The following NALCN variants were observed in gnomAD, a reference collection of about 807,000 sequenced individuals.
NALCN encodes the protein sodium leak channel, non-selective.
In NALCN, 111 loss-of-function variants were observed where a neutral mutation model predicts 225.3. That is an observed-to-expected ratio of 0.49 (90% CI 0.42 to 0.58). NALCN has a LOEUF of 0.58. NALCN is among the 20% of genes least tolerant of loss of function. The pLI is 0.00. For synonymous variants in NALCN, 764 were observed against 769.0 expected, an observed-to-expected ratio of 0.99 and a Z score of 0.11; for missense variants, 1,378 against 2,202.4, an observed-to-expected ratio of 0.63 and a Z score of 7.49.
intron 14 of NALCN, chr13:101,181,214 T>C (rs1327082544): frequency 1.9e-6 from 1 of 518,546 alleles, no homozygotes; most frequent in Non-Finnish European, 3.8e-6. Context: ...GGTGGTGTGG[T>C]GAGGGCCTGG....
intron 12 of NALCN, among the ~76,000 whole-genome samples, chr13:101,233,401 C>T (rs1409153362): frequency 2.0e-5 from 3 of 147,680 alleles, no homozygotes; most frequent in South Asian, 2.1e-4. Flanking sequence ...AGAGCAGTGG[C>T]GCAATCTCAG....
chr13:101,263,315 C>G (rs1317043969), intron 10 of NALCN, among the ~76,000 whole-genome samples: 2 of 152,192 alleles, frequency 1.3e-5, no homozygotes, highest in African/African-American at 4.8e-5. Context: ...CACAGATAGG[C>G]AAATCATCTG....
At chr13:101,075,223 G>A (rs1477928364) in intron 35 of NALCN, among the ~76,000 whole-genome samples, 1 of 151,994 alleles carries the variant, frequency 6.6e-6, no homozygotes, top group Non-Finnish European at 1.5e-5. Context: ...TATACCCATG[G>A]ACATTAACAA....
intron 10 of NALCN, among the ~76,000 whole-genome samples, chr13:101,283,488 C>T (rs1419086390): frequency 6.6e-6 from 1 of 152,148 alleles, no homozygotes; most frequent in Admixed American, 6.5e-5. Context: ...GCTATCAGTG[C>T]ACTTTGCTAA....
rs2043597425 is a variant in NALCN, at chr13:101,292,680, A to C, written c.800-314T>G. ...AAACCAAGTATATATATGTATAATT[A>C]AAAAAAGGATATGTACCATTTAAGC... On this transcript the variant is annotated intron_variant, in intron 7 of 43. Coordinates refer to ENST00000251127, the MANE Select transcript of NALCN (RefSeq NM_052867.4). The surrounding 1 kb of genome is among the most constrained non-coding windows in gnomAD (Gnocchi z 4.3). Among the ~76,000 whole-genome samples the C allele has an allele frequency of 6.6e-6, 1 of 152,214 alleles. No homozygotes were observed. The highest frequency in any genetic ancestry group is 1.5e-5 in the Non-Finnish European group (1 of 68,026).
chr13:101,155,975 G>T (rs1006164704), intron 15 of NALCN, among the ~76,000 whole-genome samples: 1 of 152,080 alleles, frequency 6.6e-6, no homozygotes, highest in Non-Finnish European at 1.5e-5. Flanking sequence ...TATTCTGAGA[G>T]AATCAGTTGT....
In NALCN at chr13:101,057,908, G is replaced by C. The variant is rs374871549; in HGVS notation, c.5023+31C>G. 173 of 1,544,130 alleles carry C rather than the reference G, an allele frequency of 1.1e-4. 1 individual carries two copies. The highest frequency in any genetic ancestry group is 3.4e-4 in the Middle Eastern group (2 of 5,956). On this transcript the variant is annotated intron_variant, in intron 43 of 43. Coordinates refer to ENST00000251127, the MANE Select transcript of NALCN (RefSeq NM_052867.4). ...AGAGTAAATACCTTTAAAATGCCTC[G>C]ATCGCTGGAGAAATGCCTGGATGGA...
At chr13:101,271,535 C>A in intron 10 of NALCN, among the ~76,000 whole-genome samples, 1 of 151,464 alleles carries the variant, frequency 6.6e-6, no homozygotes, top group Non-Finnish European at 1.5e-5. Flanking sequence ...TCACTTTTTC[C>A]TACAAACTTT....
In NALCN at chr13:101,124,425, T is replaced by G. The variant is rs549899764; in HGVS notation, c.2192+183A>C. ...AAGGCCTACTGAGCTACTAAAATTT[T>G]TTTTTAGAAATGACATCAATATGTC... On this transcript the variant is annotated intron_variant, in intron 18 of 43. Transcript: ENST00000251127. 1.0e-3 allele frequency among the ~76,000 whole-genome samples: 155 copies of G among 152,338 alleles called. 1 individual carries two copies. The highest frequency in any genetic ancestry group is 3.6e-3 in the African/African-American group (149 of 41,584).
intron 4 of NALCN, 38 bp from the exon 5 acceptor site, chr13:101,377,094 C>G: frequency 6.2e-7 from 1 of 1,613,150 alleles, no homozygotes; most frequent in African/African-American, 1.3e-5. Flanking sequence ...GTTGGATTTT[C>G]CCTTAGCATT....
chr13:101,309,347 A>C lies in NALCN; in HGVS notation c.800-16981T>G, dbSNP rs115388817. On this transcript the variant is annotated intron_variant, in intron 7 of 43. Transcript: ENST00000251127. ...AGGCAAACAAATATGAGAAATATTT[A>C]GTACTGGAATAGGAAGTATTTTGGC... Among the ~76,000 whole-genome samples, 386 of 152,334 alleles carry C rather than the reference A, an allele frequency of 2.5e-3. 2 individuals are homozygous for C. Among genetic ancestry groups the C allele is most frequent in the African/African-American group, 8.6e-3 (358 of 41,572 alleles).
intron 13 of NALCN, among the ~76,000 whole-genome samples, chr13:101,202,874 C>T (rs1030918278): frequency 6.6e-6 from 1 of 152,132 alleles, no homozygotes. Context: ...GAGATTGAAT[C>T]GCTGAGTATG....
chr13:101,113,213 CCA>C (rs1566827660), intron 18 of NALCN, among the ~76,000 whole-genome samples: 1 of 152,122 alleles, frequency 6.6e-6, no homozygotes, highest in African/African-American at 2.4e-5. Flanking sequence ...AGACCACTGG[CCA>C]CACACAGGTT....
chr13:101,222,735 T>G (rs2040990366), intron 13 of NALCN, among the ~76,000 whole-genome samples: 1 of 152,198 alleles, frequency 6.6e-6, no homozygotes, highest in African/African-American at 2.4e-5. Flanking sequence ...ACACCAATTC[T>G]AAATATGCTT....
intron 13 of NALCN, among the ~76,000 whole-genome samples, chr13:101,206,756 C>A (rs2040329269): frequency 6.7e-6 from 1 of 149,344 alleles, no homozygotes; most frequent in Admixed American, 6.7e-5. Flanking sequence ...ACACATATAA[C>A]AAAAAATGTA....
At chr13:101,294,083 G>T (rs1486892237) in intron 7 of NALCN, among the ~76,000 whole-genome samples, 1 of 152,086 alleles carries the variant, frequency 6.6e-6, no homozygotes, top group African/African-American at 2.4e-5. Flanking sequence ...GGTTAATGAA[G>T]GTCTCCAAGG....
chr13:101,241,226 G>A (rs149453136), intron 11 of NALCN, among the ~76,000 whole-genome samples: 2,256 of 152,258 alleles, frequency 0.015, 23 homozygotes, highest in South Asian at 0.028. Flanking sequence ...ATCATTGATT[G>A]TCTCTAGATT....
chr13:101,070,222 A>G (rs1161059837), intron 37 of NALCN, among the ~76,000 whole-genome samples: 1 of 151,860 alleles, frequency 6.6e-6, no homozygotes, highest in Non-Finnish European at 1.5e-5. Context: ...GCCCACCACC[A>G]TGCCCGGCTA....
intron 1 of NALCN, among the ~76,000 whole-genome samples, chr13:101,401,938 T>C (rs958829846): frequency 6.6e-5 from 10 of 152,192 alleles, no homozygotes; most frequent in Non-Finnish European, 1.5e-4. Context: ...AATTCAAAAT[T>C]AATTTGAGGT....
Sources: allele counts gnomAD v4.1 joint callset (sites outside exome capture counted in the v4.1 genomes callset), GRCh38; gene constraint gnomAD v4.1.1; non-coding constraint Gnocchi (gnomAD v3.1); transcripts MANE v1.5; gene names NCBI Gene and HGNC (gene_info 2026-07-23, HGNC 2026-07-21).